NCAPG2: variants seen among roughly 807,000 people sequenced by gnomAD.
The protein encoded by NCAPG2 is condensin-2 complex subunit G2.
NCAPG2 carries 53 observed loss-of-function variants against 141.1 expected under a neutral mutation model. That is an observed-to-expected ratio of 0.38 (90% CI 0.30 to 0.47). The LOEUF (loss-of-function observed/expected upper bound fraction) is 0.47. Among genes scored for constraint, NCAPG2 ranks in the 20% least tolerant of loss-of-function variants. The pLI, the probability that NCAPG2 is intolerant of heterozygous loss-of-function variation, is 0.99. For missense variants in NCAPG2, 1,087 were observed against 1,389.0 expected (o/e 0.78, Z 3.46); for synonymous variants, 499 against 490.7 (o/e 1.02, Z -0.22).
intron 7 of NCAPG2, among the ~76,000 whole-genome samples, chr7:158,687,007 G>A (rs954873874): frequency 6.6e-6 from 1 of 152,064 alleles, no homozygotes; most frequent in Non-Finnish European, 1.5e-5. Flanking sequence ...AGGCTCTTCC[G>A]AGAAGCCACC....
intron 26 of NCAPG2, 104 bp from the exon 27 acceptor site, chr7:158,644,492 A>C (rs930753925): frequency 1.1e-6 from 1 of 941,010 alleles, no homozygotes; most frequent in Non-Finnish European, 1.7e-6. Flanking sequence ...GGGCCTCCCT[A>C]TCCTTCCCTT....
In NCAPG2 at chr7:158,658,304, A is replaced by G. The variant is rs772088922; in HGVS notation, c.2060+34T>C. 3.7e-5 allele frequency: 58 copies of G among 1,567,302 alleles called. 2 individuals are homozygous for G. The South Asian group carries it at 4.9e-4, about 13-fold the overall frequency. On this transcript the variant is annotated intron_variant, in intron 17 of 27. Coordinates refer to ENST00000356309, the MANE Select transcript of NCAPG2 (RefSeq NM_017760.7). Reference sequence around the variant, plus strand: ...CAGCACAACAATGGACAGGATTCCTACTTTTCTACCGTACCAAAAAACAGA... The same window carrying G: ...CAGCACAACAATGGACAGGATTCCTGCTTTTCTACCGTACCAAAAAACAGA...
At chr7:158,661,261 G>T (rs1165098113) in intron 16 of NCAPG2, among the ~76,000 whole-genome samples, 6 of 152,234 alleles carry the variant, frequency 3.9e-5, no homozygotes, top group Non-Finnish European at 8.8e-5. Context: ...CATTTAGGAA[G>T]AGAAATGTGG....
intron 11 of NCAPG2, among the ~76,000 whole-genome samples, chr7:158,679,220 A>C (rs187157066): frequency 0.012 from 1,752 of 152,328 alleles, 23 homozygotes; most frequent in Middle Eastern, 0.027. Flanking sequence ...AAAAAGAAAA[A>C]AGGGAGCACT....
Position 158,683,288 on chromosome 7 carries a change from T to A in NCAPG2, c.924+12A>T, listed in dbSNP as rs763899346. The A allele has an allele frequency of 1.9e-5, 30 of 1,546,498 alleles. No homozygotes were observed. The South Asian group carries it at 3.4e-4, about 17-fold the overall frequency. On this transcript the variant is annotated intron_variant, in intron 9 of 27. Transcript: ENST00000356309. Reference sequence around the variant, plus strand: ...AAACATTATTTCAAAAACAATCTGTTCACAATCTTACCTCCCGCACTTTGG... The same window carrying A: ...AAACATTATTTCAAAAACAATCTGTACACAATCTTACCTCCCGCACTTTGG...
At chr7:158,699,906 T>C (rs564507987) in intron 2 of NCAPG2, among the ~76,000 whole-genome samples, 55 of 152,188 alleles carry the variant, frequency 3.6e-4, no homozygotes, top group African/African-American at 1.3e-3. Flanking sequence ...CTAACTCCAT[T>C]TTCCCCATAA....
chr7:158,651,329 A>T (rs1831477335), intron 23 of NCAPG2, among the ~76,000 whole-genome samples: 2 of 152,242 alleles, frequency 1.3e-5, no homozygotes, highest in Admixed American at 6.5e-5. Context: ...AAAGCTACAC[A>T]GGTCTGATGG....
At chr7:158,681,220 T>A (rs186733034) in intron 9 of NCAPG2, among the ~76,000 whole-genome samples, 5 of 152,192 alleles carry the variant, frequency 3.3e-5, no homozygotes, top group Non-Finnish European at 7.3e-5. Flanking sequence ...AACTAACCTC[T>A]TTATTACCAA....
At position 158,680,824 on chromosome 7, in the gene NCAPG2, C is replaced by A. The variant is rs145268029; in HGVS notation, c.925-8G>T. On this transcript the variant is annotated splice_polypyrimidine_tract_variant and splice_region_variant and intron_variant, in intron 9 of 27. Coordinates refer to ENST00000356309, the MANE Select transcript of NCAPG2 (RefSeq NM_017760.7). Reference sequence around the variant, plus strand: ...GTGAAAGTAACTCAGAACCTAAGGACCAAAAAAAGGAAAAGGAAGGCATTA... The same window carrying A: ...GTGAAAGTAACTCAGAACCTAAGGAACAAAAAAAGGAAAAGGAAGGCATTA... 627 of 1,558,536 alleles carry A rather than the reference C, an allele frequency of 4.0e-4. 4 individuals are homozygous for A. The African/African-American group carries it at 6.3e-3, about 16-fold the overall frequency.
chr7:158,641,176 A>G (rs1178916904), intron 27 of NCAPG2: 1 of 256,058 alleles, frequency 3.9e-6, no homozygotes, highest in Non-Finnish European at 7.3e-6. Context: ...GCATCATAAA[A>G]TGTTCAGTTA....
At chr7:158,690,925 T>TA (rs149688550) in intron 4 of NCAPG2, among the ~76,000 whole-genome samples, 65 of 152,330 alleles carry the variant, frequency 4.3e-4, no homozygotes, top group African/African-American at 1.5e-3. Context: ...TGACGATTGT[T>TA]ATAAAAAGAC....
intron 4 of NCAPG2, among the ~76,000 whole-genome samples, chr7:158,692,074 G>T (rs1296665253): frequency 1.3e-5 from 2 of 152,206 alleles, no homozygotes; most frequent in Non-Finnish European, 2.9e-5. Context: ...CCAGGGCAAG[G>T]TGGGAGGATC....
In NCAPG2 at chr7:158,658,405, C is replaced by T; in HGVS notation, c.1993G>A (p.Asp665Asn). The stretch of plus-strand genomic sequence containing the variant: ...ATGAATAAAGGGATCTTGCAGCGAT[C>T]ATCCTAAAAGCGAAAAAAGAAAAAC... ...LPEYLKVFKD[D>N]RCKIPLFMLM... The change falls in exon 17 of 28, where the codon GAT (aspartate) becomes AAT (asparagine). Residue 665 changes from aspartate to asparagine, a missense_variant. Coordinates refer to ENST00000356309, the MANE Select transcript of NCAPG2 (RefSeq NM_017760.7). 6.2e-7 allele frequency: 1 copy of T among 1,609,246 alleles called. No homozygotes were observed. Among genetic ancestry groups the T allele is most frequent in the South Asian group, 1.1e-5 (1 of 90,350 alleles).
intron 11 of NCAPG2, among the ~76,000 whole-genome samples, chr7:158,677,508 A>C (rs1046909680): frequency 1.3e-4 from 19 of 142,752 alleles, no homozygotes; most frequent in Non-Finnish European, 2.7e-4. Context: ...GAAGAAAAAA[A>C]GATGATAAAA....
chr7:158,680,696 C>A, intron 10 of NCAPG2, 25 bp downstream of exon 10: 1 of 1,424,244 alleles, frequency 7.0e-7, no homozygotes, highest in Non-Finnish European at 9.5e-7. Flanking sequence ...ATTCCAAACA[C>A]GGATAAACTA....
intron 19 of NCAPG2, among the ~76,000 whole-genome samples, 200 bp downstream of exon 19, chr7:158,656,060 C>T (rs891930574): frequency 4.6e-5 from 7 of 152,220 alleles, no homozygotes; most frequent in Admixed American, 2.6e-4. Flanking sequence ...TTTCTGAACA[C>T]GTGTCAACTG....
At chr7:158,648,976 C>G (rs1323193508) in intron 24 of NCAPG2, among the ~76,000 whole-genome samples, 2 of 152,170 alleles carry the variant, frequency 1.3e-5, no homozygotes, top group South Asian at 2.1e-4. Flanking sequence ...GGCAAATGGA[C>G]TACAACCACG....
At chr7:158,695,970 C>T (rs756896065) in intron 2 of NCAPG2, among the ~76,000 whole-genome samples, 3 of 152,236 alleles carry the variant, frequency 2.0e-5, no homozygotes, top group Non-Finnish European at 4.4e-5. Flanking sequence ...ACCTGTGCCC[C>T]AGCAAGGTGC....
Position 158,656,680 on chromosome 7 carries a change from T to G in NCAPG2, c.2086A>C (p.Ser696Arg). 6.2e-7 allele frequency: 1 copy of G among 1,614,046 alleles called. No individual in the cohort carries two copies. Among genetic ancestry groups the G allele is most frequent in the Non-Finnish European group, 8.5e-7 (1 of 1,180,006 alleles). Reference sequence around the variant, plus strand: ...TTGTCCACAGCGCCCTCCTCCCGGCTTCTCAGCGTGGAAATCACACCACAG... The same window carrying G: ...TTGTCCACAGCGCCCTCCTCCCGGCGTCTCAGCGTGGAAATCACACCACAG... ...FSCGVISTLR[S>R]REEGAVDKSY... The change falls in exon 18 of 28, where the codon AGC becomes CGC. Residue 696 changes from serine (S) to arginine (R), a missense_variant. Ser to Arg is a moderately radical substitution (Grantham distance 110, BLOSUM62 -1). Transcript: ENST00000356309.
Sources: allele counts gnomAD v4.1 joint callset (sites outside exome capture counted in the v4.1 genomes callset), GRCh38; gene constraint gnomAD v4.1.1; transcripts MANE v1.5; gene names NCBI Gene and HGNC (gene_info 2026-07-23, HGNC 2026-07-21).